ADGRL2: variants seen among roughly 807,000 people sequenced by gnomAD.
The protein encoded by ADGRL2 is adhesion G protein-coupled receptor L2.
A neutral mutation model predicts 157.4 loss-of-function variants in ADGRL2; 44 were observed. The observed-to-expected ratio is 0.28, with a 90% CI of 0.22 to 0.36. The LOEUF is 0.36. Among genes scored for constraint, ADGRL2 ranks in the 10% least tolerant of loss-of-function variants. The pLI is 1.00. For missense variants in ADGRL2, 1,510 were observed against 1,768.9 expected, an observed-to-expected ratio of 0.85 and a Z score of 2.63; for synonymous variants, 585 against 624.7, an observed-to-expected ratio of 0.94 and a Z score of 0.95.
intron 2 of ADGRL2, among the ~76,000 whole-genome samples, chr1:81,570,464 C>G (rs984613248): frequency 6.6e-6 from 1 of 152,190 alleles, no homozygotes; most frequent in Non-Finnish European, 1.5e-5. Flanking sequence ...TCTCTGATCA[C>G]TGCAACCGCT....
intron 3 of ADGRL2, among the ~76,000 whole-genome samples, chr1:81,591,989 A>G (rs2081142876): frequency 2.0e-5 from 3 of 152,320 alleles, no homozygotes; most frequent in Admixed American, 2.0e-4. Flanking sequence ...AAGAACATGG[A>G]GATAATAAGT....
chr1:81,624,907 T>A (rs1368723216), intron 3 of ADGRL2, among the ~76,000 whole-genome samples: 1 of 152,178 alleles, frequency 6.6e-6, no homozygotes, highest in East Asian at 1.9e-4. Flanking sequence ...TTATTTTACA[T>A]CCATCATTAA....
intron 3 of ADGRL2, among the ~76,000 whole-genome samples, chr1:81,620,016 C>A (rs2081755483): frequency 6.6e-6 from 1 of 152,112 alleles, no homozygotes; most frequent in Admixed American, 6.6e-5. Context: ...GAACTTGGAA[C>A]TTTACCTAGT....
chr1:81,338,567 G>A (rs1314090628), intron 1 of ADGRL2, among the ~76,000 whole-genome samples: 1 of 151,992 alleles, frequency 6.6e-6, no homozygotes, highest in Non-Finnish European at 1.5e-5. Flanking sequence ...AAGAAAATAC[G>A]GATCCAAGAA....
chr1:81,937,935 G>A (rs1330808709), intron 4 of ADGRL2, among the ~76,000 whole-genome samples: 1 of 151,766 alleles, frequency 6.6e-6, no homozygotes, highest in Non-Finnish European at 1.5e-5. Flanking sequence ...TCTGACACAT[G>A]CTGTGAAGGC....
chr1:81,717,749 G>A (rs2084164675), intron 1 of ADGRL2, among the ~76,000 whole-genome samples: 1 of 152,072 alleles, frequency 6.6e-6, no homozygotes, highest in Admixed American at 6.6e-5. Context: ...GACAATATAT[G>A]GAACTAAAAT....
intron 1 of ADGRL2, among the ~76,000 whole-genome samples, chr1:81,369,038 G>T (rs1557634009): frequency 1.3e-5 from 2 of 152,004 alleles, no homozygotes; most frequent in Admixed American, 6.6e-5. Context: ...AGAATCCAAA[G>T]TGACAAGTGG....
At chr1:81,351,686 G>C (rs1468606845) in intron 1 of ADGRL2, among the ~76,000 whole-genome samples, 2 of 152,102 alleles carry the variant, frequency 1.3e-5, no homozygotes, top group African/African-American at 4.8e-5. Flanking sequence ...CTAGATGGAA[G>C]GTGCTGAATA....
At chr1:81,359,700 A>G (rs897461609) in intron 1 of ADGRL2, among the ~76,000 whole-genome samples, 1 of 151,988 alleles carries the variant, frequency 6.6e-6, no homozygotes, top group African/African-American at 2.4e-5. Flanking sequence ...TAGCTAATAG[A>G]CATCTCAAAT....
chr1:81,438,903 C>T (rs1166027299), intron 1 of ADGRL2, among the ~76,000 whole-genome samples: 2 of 152,252 alleles, frequency 1.3e-5, no homozygotes, highest in East Asian at 3.9e-4. Context: ...CCCCCAAGTT[C>T]CAGCTGCCTA....
intron 1 of ADGRL2, among the ~76,000 whole-genome samples, chr1:81,354,246 G>A (rs1209496960): frequency 6.6e-6 from 1 of 152,132 alleles, no homozygotes; most frequent in Non-Finnish European, 1.5e-5. Context: ...CACTAGTAGG[G>A]CAAATAAATC....
At chr1:81,704,615 C>T (rs576718747) in intron 1 of ADGRL2, among the ~76,000 whole-genome samples, 21 of 152,322 alleles carry the variant, frequency 1.4e-4, no homozygotes, top group African/African-American at 4.8e-4. Flanking sequence ...TCTTTCTCTG[C>T]TTTCCTCTTC....
chr1:81,828,981 G>T (rs2150046760), intron 1 of ADGRL2, among the ~76,000 whole-genome samples: 1 of 151,262 alleles, frequency 6.6e-6, no homozygotes, highest in African/African-American at 2.4e-5. Context: ...GCGCTATCTT[G>T]GCTCACTGCA....
intron 1 of ADGRL2, among the ~76,000 whole-genome samples, chr1:81,822,823 C>T (rs1029508331): frequency 6.6e-6 from 1 of 152,076 alleles, no homozygotes; most frequent in African/African-American, 2.4e-5. Context: ...AATTATTCTA[C>T]TGGATTTGGG....
At chr1:81,371,620 G>A (rs577569905) in intron 1 of ADGRL2, among the ~76,000 whole-genome samples, 1 of 152,150 alleles carries the variant, frequency 6.6e-6, no homozygotes, top group Non-Finnish European at 1.5e-5. Context: ...CATACAAGAA[G>A]TAACCTGAAA....
intron 2 of ADGRL2, among the ~76,000 whole-genome samples, chr1:81,539,409 C>A (rs575527582): frequency 6.6e-6 from 1 of 152,324 alleles, no homozygotes; most frequent in Non-Finnish European, 1.5e-5. Context: ...TCACTTCTAA[C>A]ATACCGCAGA....
In ADGRL2 at chr1:81,359,466, T is replaced by A. The variant is rs2075936690; in HGVS notation, c.-302+52957T>A. ...GAGGCAAAACTACCTTTATTTGAAA[T>A]CTGTGCCTTAACAACTACATATAAG... On this transcript the variant is annotated intron_variant, in intron 1 of 24. Coordinates refer to the ADGRL2 transcript ENST00000370721. 3.9e-5 allele frequency among the ~76,000 whole-genome samples: 6 copies of A among 152,148 alleles called. No homozygotes were observed. The South Asian group carries it at 1.2e-3, about 32-fold the overall frequency.
intron 1 of ADGRL2, among the ~76,000 whole-genome samples, chr1:81,707,798 G>A (rs72718851): frequency 0.018 from 2,727 of 152,228 alleles, 41 homozygotes; most frequent in South Asian, 0.051. Context: ...GCCACCCACA[G>A]CTCCTCTTCA....
intron 3 of ADGRL2, among the ~76,000 whole-genome samples, chr1:81,691,527 T>A (rs2083333283): frequency 6.6e-6 from 1 of 152,070 alleles, no homozygotes; most frequent in Non-Finnish European, 1.5e-5. Context: ...AGACGGAGTT[T>A]CGCTCTTGTT....
Sources: allele counts gnomAD v4.1 joint callset (sites outside exome capture counted in the v4.1 genomes callset), GRCh38; gene constraint gnomAD v4.1.1; transcripts MANE v1.5; gene names NCBI Gene and HGNC (gene_info 2026-07-23, HGNC 2026-07-21).